Variants in SLC35F4 observed in about 807,000 individuals in gnomAD.
SLC35F4 encodes solute carrier family 35 member F4.
In SLC35F4, 24 loss-of-function variants were observed where a neutral mutation model predicts 44.2. The ratio of observed to expected loss-of-function variants is 0.54; its 90% CI spans 0.39 to 0.76. The LOEUF (loss-of-function observed/expected upper bound fraction) is 0.76, where lower values mean the gene tolerates loss of function less well. Among genes scored for constraint, SLC35F4 ranks in the 30% least tolerant of loss-of-function variants. SLC35F4 has a pLI of 0.00. For missense variants in SLC35F4, 562 were observed against 586.1 expected, an observed-to-expected ratio of 0.96 and a Z score of 0.42; for synonymous variants, 238 against 223.6, an observed-to-expected ratio of 1.06 and a Z score of -0.57.
At chr14:57,948,337 C>T (rs1890071471) in intron 1 of SLC35F4, among the ~76,000 whole-genome samples, 1 of 151,994 alleles carries the variant, frequency 6.6e-6, no homozygotes, top group Admixed American at 6.6e-5. Context: ...TTCATAGTAG[C>T]CTTGAATAAT....
At chr14:57,805,911 A>C (rs982084604) in intron 1 of SLC35F4, among the ~76,000 whole-genome samples, 1 of 152,210 alleles carries the variant, frequency 6.6e-6, no homozygotes, top group Non-Finnish European at 1.5e-5. Context: ...AAGAAAAGGC[A>C]CTAGAAAACC....
At chr14:57,954,443 T>C (rs111805292) in intron 1 of SLC35F4, among the ~76,000 whole-genome samples, 6,887 of 152,070 alleles carry the variant, frequency 0.045, 507 homozygotes, top group African/African-American at 0.16. Flanking sequence ...CTGAAGGGGA[T>C]AGAGACACAT....
intron 5 of SLC35F4, among the ~76,000 whole-genome samples, chr14:57,570,453 G>A (rs1481357044): frequency 6.6e-6 from 1 of 152,172 alleles, no homozygotes; most frequent in Non-Finnish European, 1.5e-5. Flanking sequence ...TTTATAAGCA[G>A]TTTTCTTTGT....
chr14:57,814,137 TCTTGCATTTG>T (rs1351011623), intron 1 of SLC35F4, among the ~76,000 whole-genome samples: 1 of 152,234 alleles, frequency 6.6e-6, no homozygotes, highest in African/African-American at 2.4e-5. Context: ...AAAATGTGTC[TCTTGCATTTG>T]CTTGCATTTG....
rs977349191 is a variant in SLC35F4, at chr14:57,683,211, G to A, written c.104-89087C>T. 6.6e-5 allele frequency among the ~76,000 whole-genome samples: 10 copies of A among 152,208 alleles called. No individual in the cohort carries two copies. In the South Asian group the frequency reaches 1.7e-3, roughly 25 times the overall value. On this transcript the variant is annotated intron_variant, in intron 1 of 7. Transcript: ENST00000556826. ...CCAGAAGTAAAACATTTACTATAGC[G>A]AGCAGAAAGGAATGTACATCTTATA...
intron 3 of SLC35F4, 48 bp from the exon 4 acceptor site, chr14:57,581,481 T>A (rs777508281): frequency 3.3e-5 from 49 of 1,499,424 alleles, no homozygotes; most frequent in Non-Finnish European, 4.2e-5. Flanking sequence ...TGGTGACACC[T>A]CTTGTCTTAT....
chr14:57,637,687 A>G (rs1040667802), intron 1 of SLC35F4, among the ~76,000 whole-genome samples: 2 of 152,132 alleles, frequency 1.3e-5, no homozygotes, highest in African/African-American at 4.8e-5. Context: ...CATATTCTAA[A>G]TTACTGTTTT....
intron 1 of SLC35F4, among the ~76,000 whole-genome samples, chr14:57,756,794 G>T (rs1031065479): frequency 1.3e-5 from 2 of 151,468 alleles, no homozygotes; most frequent in East Asian, 1.9e-4. Context: ...AGTTGGGACC[G>T]CAGGCATGCA....
intron 1 of SLC35F4, among the ~76,000 whole-genome samples, chr14:57,737,899 C>T (rs1342649630): frequency 6.6e-6 from 1 of 152,118 alleles, no homozygotes; most frequent in Non-Finnish European, 1.5e-5. Context: ...AGAGATAAGG[C>T]TTATTAGATT....
At chr14:57,834,230 G>A (rs764498523) in intron 1 of SLC35F4, among the ~76,000 whole-genome samples, 5 of 152,156 alleles carry the variant, frequency 3.3e-5, no homozygotes, top group African/African-American at 4.8e-5. Context: ...GAGAAAGAGT[G>A]GGTACTGAGA....
chr14:57,575,958 G>A (rs2068761933), intron 4 of SLC35F4, among the ~76,000 whole-genome samples: 1 of 151,950 alleles, frequency 6.6e-6, no homozygotes, highest in African/African-American at 2.4e-5. Context: ...AGAAATATCT[G>A]GCTTTTGGCC....
chr14:57,802,412 T>C (rs79544392), intron 1 of SLC35F4, among the ~76,000 whole-genome samples: 7,054 of 150,306 alleles, frequency 0.047, 436 homozygotes, highest in African/African-American at 0.14. Context: ...CAACTATAAC[T>C]AGAGAACCGA....
intron 6 of SLC35F4, among the ~76,000 whole-genome samples, chr14:57,567,171 G>T (rs974439027): frequency 1.3e-5 from 2 of 152,204 alleles, no homozygotes; most frequent in Admixed American, 6.5e-5. Flanking sequence ...GTAGCTCCAT[G>T]CTCTTCAATG....
chr14:57,577,211 C>T lies in SLC35F4; in HGVS notation c.807+4003G>A, dbSNP rs547001389. On this transcript the variant is annotated intron_variant, in intron 4 of 7. Coordinates refer to ENST00000556826, the MANE Select transcript of SLC35F4 (RefSeq NM_001306087.2). ...GCTCAGCTCCAATGTACTGTTTTAG[C>T]CTTCAGGGGCCCAATTTGAATTCAA... Among the ~76,000 whole-genome samples the T allele has an allele frequency of 5.6e-4, 86 of 152,234 alleles. No homozygotes were observed. The Middle Eastern group carries it at 0.01, about 18-fold the overall frequency.
chr14:57,815,598 C>G (rs920014523), intron 1 of SLC35F4, among the ~76,000 whole-genome samples: 1 of 152,122 alleles, frequency 6.6e-6, no homozygotes, highest in Middle Eastern at 3.2e-3. Flanking sequence ...ACCCTTCTTA[C>G]TTCTACCTCT....
At chr14:57,852,034 T>C (rs1215159017) in intron 1 of SLC35F4, among the ~76,000 whole-genome samples, 2 of 152,248 alleles carry the variant, frequency 1.3e-5, no homozygotes, top group African/African-American at 4.8e-5. Context: ...TTCTTTGTGC[T>C]GGTCATACGG....
intron 1 of SLC35F4, among the ~76,000 whole-genome samples, chr14:57,618,206 T>C (rs1437395926): frequency 6.6e-6 from 1 of 152,234 alleles, no homozygotes; most frequent in Non-Finnish European, 1.5e-5. Flanking sequence ...ATTATGTATA[T>C]TTGGCATAAA....
intron 1 of SLC35F4, among the ~76,000 whole-genome samples, chr14:57,916,434 A>G (rs1234074942): frequency 6.6e-6 from 1 of 152,198 alleles, no homozygotes; most frequent in African/African-American, 2.4e-5. Flanking sequence ...CTGAAGTTTA[A>G]GTATGATATG....
intron 3 of SLC35F4, among the ~76,000 whole-genome samples, chr14:57,582,624 T>TA (rs1447050387): frequency 6.6e-6 from 1 of 152,242 alleles, no homozygotes; most frequent in African/African-American, 2.4e-5. Flanking sequence ...GGGAGAATTT[T>TA]AATTTTTTTC....
Sources: allele counts gnomAD v4.1 joint callset (sites outside exome capture counted in the v4.1 genomes callset), GRCh38; gene constraint gnomAD v4.1.1; transcripts MANE v1.5; gene names NCBI Gene and HGNC (gene_info 2026-07-23, HGNC 2026-07-21).